The following EIF2A variants were observed in gnomAD, a reference collection of about 807,000 sequenced individuals.
EIF2A encodes the protein eukaryotic translation initiation factor 2A.
Under a neutral mutation model 75.2 loss-of-function variants are expected in EIF2A, and 62 were observed. The observed-to-expected ratio is 0.82, with a 90% CI of 0.67 to 1.02. The LOEUF is 1.02. Among genes scored for constraint, EIF2A ranks in the 50% least tolerant of loss-of-function variants. EIF2A has a pLI of 0.00. For synonymous variants in EIF2A, 207 were observed against 239.0 expected, an observed-to-expected ratio of 0.87 and a Z score of 1.23; for missense variants, 611 against 677.7, an observed-to-expected ratio of 0.90 and a Z score of 1.09.
At chr3:150,582,767 A>T (rs1014709400) in intron 12 of EIF2A, among the ~76,000 whole-genome samples, 20 of 152,110 alleles carry the variant, frequency 1.3e-4, no homozygotes, top group Middle Eastern at 3.2e-3. Flanking sequence ...CCCTGGGGAT[A>T]AAAAAAGGTC....
intron 8 of EIF2A, 37 bp downstream of exon 8, chr3:150,568,083 C>T (rs777745404): frequency 6.3e-7 from 1 of 1,599,598 alleles, no homozygotes; most frequent in Non-Finnish European, 8.5e-7. Flanking sequence ...CTTTGTTTAT[C>T]AGTTGTTAAT....
At chr3:150,583,303 AC>A in intron 13 of EIF2A, 38 bp downstream of exon 13, 1 of 1,586,368 alleles carries the variant, frequency 6.3e-7, no homozygotes, top group Non-Finnish European at 8.6e-7. Context: ...TGTGGTGACC[AC>A]CAGCCTTCCC....
At chr3:150,549,159 A>C (rs1723193682) in intron 1 of EIF2A, among the ~76,000 whole-genome samples, 2 of 151,878 alleles carry the variant, frequency 1.3e-5, no homozygotes, top group Non-Finnish European at 2.9e-5. Flanking sequence ...TAAAAGCCTC[A>C]GTACTGCTAG....
At chr3:150,548,670 C>T (rs1385135810) in intron 1 of EIF2A, among the ~76,000 whole-genome samples, 2 of 152,196 alleles carry the variant, frequency 1.3e-5, no homozygotes, top group Admixed American at 1.3e-4. Flanking sequence ...TTAGATTTGT[C>T]TGTTTAGACT....
intron 6 of EIF2A, 134 bp downstream of exon 6, chr3:150,564,515 C>A: frequency 1.7e-6 from 1 of 594,852 alleles, no homozygotes; most frequent in Non-Finnish European, 2.7e-6. Flanking sequence ...CATACATTTG[C>A]ATAATTCTTT....
At chr3:150,561,139 T>G (rs1473009186) in intron 3 of EIF2A, among the ~76,000 whole-genome samples, 1 of 152,212 alleles carries the variant, frequency 6.6e-6, no homozygotes, top group East Asian at 1.9e-4. Context: ...AAAAATTTTT[T>G]TTTTAATTGA....
intron 10 of EIF2A, 68 bp from the exon 11 acceptor site, chr3:150,575,581 G>A (rs903186024): frequency 8.9e-7 from 1 of 1,129,004 alleles, no homozygotes; most frequent in African/African-American, 1.6e-5. Context: ...TAGCAGAAGT[G>A]TATAATTTGT....
intron 4 of EIF2A, 78 bp downstream of exon 4, chr3:150,562,738 T>G: frequency 9.5e-7 from 1 of 1,050,398 alleles, no homozygotes; most frequent in Non-Finnish European, 1.4e-6. Context: ...ATAAAGTTTA[T>G]AACCTCATAA....
At chr3:150,565,443 T>C (rs1222491190) in intron 6 of EIF2A, among the ~76,000 whole-genome samples, 1 of 152,222 alleles carries the variant, frequency 6.6e-6, no homozygotes, top group African/African-American at 2.4e-5. Context: ...AAATTTCCCC[T>C]TCTACTATTT....
intron 9 of EIF2A, among the ~76,000 whole-genome samples, chr3:150,569,886 A>G (rs1724407599): frequency 6.6e-6 from 1 of 152,192 alleles, no homozygotes; most frequent in African/African-American, 2.4e-5. Context: ...GGTAAAACTG[A>G]TAAATCAGTG....
chr3:150,547,426 G>T (rs1199287946), intron 1 of EIF2A, among the ~76,000 whole-genome samples: 1 of 152,218 alleles, frequency 6.6e-6, no homozygotes, highest in Non-Finnish European at 1.5e-5. Context: ...GAGCATATTA[G>T]AAATAGAACA....
chr3:150,583,797 A>C lies in EIF2A; in HGVS notation c.1693-49A>C, dbSNP rs990119494. 19 of 1,553,864 alleles carry C rather than the reference A, an allele frequency of 1.2e-5. No individual in the cohort carries two copies. In the African/African-American group the frequency reaches 2.3e-4, roughly 19 times the overall value. The stretch of plus-strand genomic sequence containing the variant: ...ATTTTTTCTGTATTATTTTGGTTAC[A>C]TATCCAGTAATTATTTCATAATAAC... On this transcript the variant is annotated intron_variant, in intron 13 of 13. Transcript: ENST00000460851.
intron 3 of EIF2A, among the ~76,000 whole-genome samples, chr3:150,559,400 G>A (rs1281912175): frequency 6.6e-6 from 1 of 150,826 alleles, no homozygotes; most frequent in African/African-American, 2.4e-5. Context: ...GTCTTGTTAT[G>A]TTGATCAGGT....
chr3:150,580,523 G>A (rs1725124826), intron 11 of EIF2A, among the ~76,000 whole-genome samples: 1 of 152,154 alleles, frequency 6.6e-6, no homozygotes, highest in Admixed American at 6.5e-5. Context: ...GCTATAACTT[G>A]CAGTTCAAGG....
intron 2 of EIF2A, among the ~76,000 whole-genome samples, chr3:150,553,574 A>G (rs1439827402): frequency 1.3e-5 from 2 of 151,516 alleles, no homozygotes; most frequent in Admixed American, 1.3e-4. Flanking sequence ...ATGCCTGGCT[A>G]ATTTTTTTGT....
chr3:150,581,526 G>T (rs1182959108), intron 11 of EIF2A, 92 bp from the exon 12 acceptor site: 3 of 1,407,176 alleles, frequency 2.1e-6, no homozygotes, highest in South Asian at 1.4e-5. Flanking sequence ...CACATATTTA[G>T]TTTCTGTATT....
At chr3:150,575,814 C>A (rs372257215) in intron 11 of EIF2A, 52 bp downstream of exon 11, 199 of 1,469,172 alleles carry the variant, frequency 1.4e-4, no homozygotes, top group Non-Finnish European at 1.6e-4. Flanking sequence ...TATGGCCGGG[C>A]GCAGTGGCTC....
Position 150,563,537 on chromosome 3 carries a change from G to A in EIF2A, c.315G>A (p.Gly105=). ...CAGCTTCTAAAGATGGCACAGCTGG[G>A]ATACCCAACCTACAACTTTATGATG... The part of the protein sequence containing the change: ...PYTTSKDGTA[G]IPNLQLYDVK... Residue 105 remains glycine (G), a synonymous_variant, in exon 5 of 14, where the codon GGG becomes GGA. Coordinates refer to ENST00000460851, the MANE Select transcript of EIF2A (RefSeq NM_032025.5). 4 of 1,547,718 alleles carry A rather than the reference G, an allele frequency of 2.6e-6. No individual in the cohort carries two copies. Among genetic ancestry groups the A allele is most frequent in the Non-Finnish European group, 1.7e-6 (2 of 1,146,214 alleles).
intron 11 of EIF2A, 121 bp from the exon 12 acceptor site, chr3:150,581,497 T>C: frequency 8.2e-7 from 1 of 1,214,196 alleles, no homozygotes; most frequent in Non-Finnish European, 1.1e-6. Flanking sequence ...AGATTCTTTA[T>C]ATAAAATGTA....
Sources: allele counts gnomAD v4.1 joint callset (sites outside exome capture counted in the v4.1 genomes callset), GRCh38; gene constraint gnomAD v4.1.1; transcripts MANE v1.5; gene names NCBI Gene and HGNC (gene_info 2026-07-23, HGNC 2026-07-21).